The following ARHGEF4 variants were observed in gnomAD, a reference collection of about 807,000 sequenced individuals.
ARHGEF4 encodes the protein APC-stimulated guanine nucleotide exchange factor 1.
A neutral mutation model predicts 162.0 loss-of-function variants in ARHGEF4; 119 were observed. The observed-to-expected ratio is 0.73, with a 90% CI of 0.63 to 0.86. The LOEUF (loss-of-function observed/expected upper bound fraction) is 0.86, where lower values mean the gene tolerates loss of function less well. Ranked by LOEUF, ARHGEF4 falls within the 40% of genes least tolerant of loss-of-function variation. The probability of loss-of-function intolerance (pLI) is 0.00; values close to 1 mark genes in which losing one functional copy is unlikely to be tolerated. For synonymous variants in ARHGEF4, 1,014 were observed against 979.9 expected, an observed-to-expected ratio of 1.03 and a Z score of -0.65; for missense variants, 2,488 against 2,456.0, an observed-to-expected ratio of 1.01 and a Z score of -0.28.
intron 1 of ARHGEF4, among the ~76,000 whole-genome samples, chr2:130,868,086 T>C (rs1295393451): frequency 3.3e-5 from 5 of 151,638 alleles, no homozygotes; most frequent in African/African-American, 9.7e-5. Context: ...CCACCACGCC[T>C]GGCTAATTTT....
chr2:130,988,901 T>TATATAGAGAG (rs1469212068), intron 4 of ARHGEF4, among the ~76,000 whole-genome samples: 110 of 113,360 alleles, frequency 9.7e-4, no homozygotes, highest in East Asian at 2.6e-3. Context: ...TATATATATA[T>TATATAGAGAG]AGAGAGAGAG....
intron 1 of ARHGEF4, among the ~76,000 whole-genome samples, chr2:130,906,337 A>G (rs1422463590): frequency 2.0e-5 from 3 of 152,230 alleles, no homozygotes. Context: ...TACGTTGTAT[A>G]TATTAACCCA....
intron 2 of ARHGEF4, among the ~76,000 whole-genome samples, chr2:130,918,516 C>T (rs1219263289): frequency 1.3e-5 from 2 of 152,336 alleles, no homozygotes; most frequent in South Asian, 2.1e-4. Flanking sequence ...AGCCGGGGAG[C>T]GCAGGCCACA....
chr2:130,991,464 A>G (rs373198941), intron 4 of ARHGEF4, among the ~76,000 whole-genome samples: 1 of 152,190 alleles, frequency 6.6e-6, no homozygotes, highest in East Asian at 1.9e-4. Context: ...CGCGAGCGGG[A>G]ACCAGGGCTG....
intron 10 of ARHGEF4, 133 bp from the exon 11 acceptor site, chr2:131,043,319 C>A: frequency 8.2e-7 from 1 of 1,225,308 alleles, no homozygotes; most frequent in Non-Finnish European, 1.1e-6. Flanking sequence ...CCTCCCCCTC[C>A]CACCATGGCC....
At chr2:131,034,991 C>G in intron 5 of ARHGEF4, 2 of 983,808 alleles carry the variant, frequency 2.0e-6, no homozygotes, top group South Asian at 9.1e-5. Flanking sequence ...GCCCCAGGCC[C>G]GCGAGCGCAG....
Position 131,043,435 on chromosome 2 carries a change from C to G in ARHGEF4, c.5026-17C>G. On this transcript the variant is annotated splice_polypyrimidine_tract_variant and intron_variant, in intron 10 of 13. Coordinates refer to ENST00000409359, the MANE Select transcript of ARHGEF4 (RefSeq NM_001367493.1). Reference sequence around the variant, plus strand: ...TTGGGTATGCGAGGCTCATGGTTCTCCTTGGGATCTTCCCAGGGAGAAGAT... The same window carrying G: ...TTGGGTATGCGAGGCTCATGGTTCTGCTTGGGATCTTCCCAGGGAGAAGAT... 6.2e-7 allele frequency: 1 copy of G among 1,613,606 alleles called. No individual in the cohort carries two copies. Among genetic ancestry groups the G allele is most frequent in the Non-Finnish European group, 8.5e-7 (1 of 1,179,904 alleles).
At chr2:130,977,799 G>A (rs556806461) in intron 4 of ARHGEF4, among the ~76,000 whole-genome samples, 44 of 152,034 alleles carry the variant, frequency 2.9e-4, no homozygotes, top group Non-Finnish European at 4.6e-4. Flanking sequence ...TGTCACCAGG[G>A]GTTTGGTCTA....
intron 1 of ARHGEF4, among the ~76,000 whole-genome samples, chr2:130,880,541 T>A (rs1679123619): frequency 6.6e-6 from 1 of 152,186 alleles, no homozygotes; most frequent in Non-Finnish European, 1.5e-5. Context: ...AGGTAGGTTT[T>A]CGTTTTTGTT....
intron 1 of ARHGEF4, among the ~76,000 whole-genome samples, chr2:130,902,033 G>T (rs142215671): frequency 2.6e-5 from 4 of 152,110 alleles, no homozygotes; most frequent in Non-Finnish European, 5.9e-5. Flanking sequence ...TTCTGGACTC[G>T]GTTTCCCCTC....
intron 1 of ARHGEF4, among the ~76,000 whole-genome samples, chr2:130,861,197 A>G: frequency 2.7e-5 from 1 of 37,208 alleles, no homozygotes; most frequent in Non-Finnish European, 4.3e-5. Context: ...AGAGACTGTC[A>G]GAATGAATTT....
intron 4 of ARHGEF4, among the ~76,000 whole-genome samples, chr2:131,019,859 T>C (rs1032969471): frequency 1.1e-4 from 17 of 152,184 alleles, no homozygotes; most frequent in South Asian, 4.2e-4. Flanking sequence ...TGGTCTCGAT[T>C]TCCTGACCTC....
chr2:130,889,811 CAAAA>C (rs35297177), intron 1 of ARHGEF4, among the ~76,000 whole-genome samples: 1 of 67,666 alleles, frequency 1.5e-5, no homozygotes, highest in Non-Finnish European at 3.0e-5. Context: ...GACTCCGTCT[CAAAA>C]AAAAAAAAAA....
intron 12 of ARHGEF4, 72 bp downstream of exon 12, chr2:131,044,614 C>G: frequency 1.3e-6 from 2 of 1,510,088 alleles, no homozygotes; most frequent in Non-Finnish European, 1.8e-6. Flanking sequence ...GGCCGCCTGC[C>G]GGTCAGGAGA....
At chr2:130,910,489 C>T (rs1234570198) in intron 1 of ARHGEF4, among the ~76,000 whole-genome samples, 1 of 152,136 alleles carries the variant, frequency 6.6e-6, no homozygotes, top group Non-Finnish European at 1.5e-5. Flanking sequence ...CTTGTTTATG[C>T]ACCTGCTCAC....
chr2:130,913,314 A>G (rs534445135), intron 1 of ARHGEF4, among the ~76,000 whole-genome samples: 1 of 152,352 alleles, frequency 6.6e-6, no homozygotes, highest in African/African-American at 2.4e-5. Context: ...CAGTTTTCAA[A>G]TATCATAGAT....
chr2:131,036,775 G>A (rs961764163), intron 5 of ARHGEF4, among the ~76,000 whole-genome samples: 1 of 152,152 alleles, frequency 6.6e-6, no homozygotes, highest in Admixed American at 6.5e-5. Flanking sequence ...GAGTGTGTCG[G>A]GTCACCTCCT....
intron 4 of ARHGEF4, among the ~76,000 whole-genome samples, chr2:130,952,909 TACAA>T (rs1306895324): frequency 6.6e-6 from 1 of 151,946 alleles, no homozygotes; most frequent in Non-Finnish European, 1.5e-5. Flanking sequence ...TAAAAGAGGA[TACAA>T]ACAAATGGAA....
At chr2:130,925,043 TGTGTG>T in intron 2 of ARHGEF4, among the ~76,000 whole-genome samples, 1 of 58,622 alleles carries the variant, frequency 1.7e-5, no homozygotes, top group African/African-American at 1.3e-4. Flanking sequence ...TAAGTGTGTG[TGTGTG>T]TGTGTGTGTG....
Sources: allele counts gnomAD v4.1 joint callset (sites outside exome capture counted in the v4.1 genomes callset), GRCh38; gene constraint gnomAD v4.1.1; transcripts MANE v1.5; gene names NCBI Gene and HGNC (gene_info 2026-07-23, HGNC 2026-07-21).